RGS7: variants seen among roughly 807,000 people sequenced by gnomAD.
RGS7 encodes the protein regulator of G-protein signaling 7.
Under a neutral mutation model 81.1 loss-of-function variants are expected in RGS7, and 27 were observed. The observed-to-expected ratio is 0.33, with a 90% CI of 0.25 to 0.46. The LOEUF is 0.46. Ranked by LOEUF, RGS7 falls within the 20% of genes least tolerant of loss-of-function variation. RGS7 has a pLI of 1.00. For synonymous variants in RGS7, 208 were observed against 207.7 expected, an observed-to-expected ratio of 1.00 and a Z score of -0.01; for missense variants, 396 against 607.4, an observed-to-expected ratio of 0.65 and a Z score of 3.66.
chr1:241,132,983 C>T (rs749587870), intron 2 of RGS7, among the ~76,000 whole-genome samples: 4 of 152,026 alleles, frequency 2.6e-5, no homozygotes, highest in Non-Finnish European at 5.9e-5. Flanking sequence ...AGGATGGTCT[C>T]GATCTCCTGA....
chr1:240,790,575 C>A (rs1685824086), intron 18 of RGS7, among the ~76,000 whole-genome samples: 1 of 152,176 alleles, frequency 6.6e-6, no homozygotes, highest in Admixed American at 6.5e-5. Context: ...TATTACTCTG[C>A]AGTGGCTTCA....
At chr1:241,160,744 G>A (rs181887612) in intron 2 of RGS7, among the ~76,000 whole-genome samples, 8 of 152,238 alleles carry the variant, frequency 5.3e-5, no homozygotes, top group South Asian at 2.1e-4. Context: ...TGATATCTAC[G>A]TTGCCCTGGG....
intron 4 of RGS7, among the ~76,000 whole-genome samples, chr1:240,977,086 A>G (rs1215369755): frequency 1.6e-5 from 2 of 128,446 alleles, no homozygotes; most frequent in Admixed American, 1.7e-4. Flanking sequence ...CTATCTATCC[A>G]TCTGTACACA....
intron 3 of RGS7, among the ~76,000 whole-genome samples, chr1:240,984,689 A>C (rs948107554): frequency 1.3e-5 from 2 of 152,204 alleles, no homozygotes; most frequent in African/African-American, 4.8e-5. Flanking sequence ...AGTGTGAACC[A>C]AGATTCCATT....
intron 2 of RGS7, among the ~76,000 whole-genome samples, chr1:241,102,771 C>G (rs12024884): frequency 6.6e-6 from 1 of 152,206 alleles, no homozygotes; most frequent in East Asian, 1.9e-4. Context: ...CATAACTTGT[C>G]CTCAAGCTGG....
chr1:240,980,183 TGGATTGCTG>T (rs1558552467), intron 4 of RGS7, among the ~76,000 whole-genome samples: 2 of 152,220 alleles, frequency 1.3e-5, no homozygotes, highest in African/African-American at 4.8e-5. Flanking sequence ...AAATGTGTCC[TGGATTGCTG>T]TAATAGAAAT....
chr1:241,159,859 A>G (rs1487943892), intron 2 of RGS7, among the ~76,000 whole-genome samples: 1 of 151,782 alleles, frequency 6.6e-6, no homozygotes, highest in Non-Finnish European at 1.5e-5. Context: ...CACCACTAGG[A>G]AAGTTAAATC....
chr1:240,974,585 A>G (rs1683776980), intron 4 of RGS7, among the ~76,000 whole-genome samples: 1 of 152,244 alleles, frequency 6.6e-6, no homozygotes, highest in Admixed American at 6.5e-5. Flanking sequence ...ACCAACATAC[A>G]TAAAATAAAA....
intron 3 of RGS7, among the ~76,000 whole-genome samples, chr1:241,034,883 C>A (rs539496701): frequency 2.0e-5 from 3 of 152,038 alleles, no homozygotes; most frequent in African/African-American, 7.2e-5. Flanking sequence ...TGATAGAAAA[C>A]GATTTTGAGA....
chr1:240,785,510 T>C (rs145263290), intron 18 of RGS7, among the ~76,000 whole-genome samples: 1 of 152,322 alleles, frequency 6.6e-6, no homozygotes, highest in African/African-American at 2.4e-5. Context: ...TAAACATTAA[T>C]ATTATAGCAG....
chr1:240,814,739 T>A lies in RGS7; in HGVS notation c.822A>T (p.Leu274Phe). ...YWQIQLDRHR[L>F]KMSKVADSLL... ...ACCTGTCAGCGACTTTTGACATTTTTAACCGATGTCTATCTAACTGTATTT... is the reference window on the plus strand; with the variant it reads ...ACCTGTCAGCGACTTTTGACATTTTAAACCGATGTCTATCTAACTGTATTT... The change falls in exon 12 of 19, where the codon TTA becomes TTT. Residue 274 changes from leucine (L) to phenylalanine (F), a missense_variant. Physicochemically the swap from Leu to Phe is conservative, Grantham distance 22. Transcript: ENST00000440928. The A allele has an allele frequency of 6.2e-7, 1 of 1,603,696 alleles. No homozygotes were observed. The highest frequency in any genetic ancestry group is 8.5e-7 in the Non-Finnish European group (1 of 1,170,826).
intron 3 of RGS7, among the ~76,000 whole-genome samples, chr1:241,073,310 G>A (rs537980525): frequency 5.3e-5 from 8 of 152,192 alleles, no homozygotes; most frequent in African/African-American, 1.9e-4. Context: ...AACTCTACTG[G>A]CCAGTTTTCC....
chr1:240,938,813 A>G (rs1158142318), intron 4 of RGS7, among the ~76,000 whole-genome samples: 1 of 148,166 alleles, frequency 6.7e-6, no homozygotes, highest in Non-Finnish European at 1.5e-5. Context: ...TTTTTCATCA[A>G]TTTTGTGCGT....
chr1:240,945,731 A>G (rs1678489996), intron 4 of RGS7, among the ~76,000 whole-genome samples: 1 of 152,224 alleles, frequency 6.6e-6, no homozygotes, highest in African/African-American at 2.4e-5. Context: ...GCTTGAATTG[A>G]GAAAAGTGTG....
rs2068206978 is a variant in RGS7, at chr1:241,144,970, T to TGTGTGTGTGTGTG, written c.79-46209_79-46208insCACACACACACAC. The stretch of plus-strand genomic sequence containing the variant: ...GTGTGTGTGTGTGTGTGTGTTCGTG[T>TGTGTGTGTGTGTG]TCATTCTTCCTGTTCCTGTTTTCCC... On this transcript the variant is annotated intron_variant, in intron 2 of 18. Coordinates refer to ENST00000440928, the MANE Select transcript of RGS7 (RefSeq NM_001364886.1). This position sits in a 1 kb window ranked among gnomAD's most constrained non-coding sequence, Gnocchi z 4.7. Among the ~76,000 whole-genome samples the TGTGTGTGTGTGTG allele has an allele frequency of 6.6e-6, 1 of 151,244 alleles. No homozygotes were observed. Among genetic ancestry groups the TGTGTGTGTGTGTG allele is most frequent in the African/African-American group, 2.4e-5 (1 of 41,034 alleles).
intron 2 of RGS7, among the ~76,000 whole-genome samples, chr1:241,240,340 A>C (rs1228285162): frequency 6.6e-6 from 1 of 152,212 alleles, no homozygotes; most frequent in Non-Finnish European, 1.5e-5. Context: ...TGACGGGAAG[A>C]AGCAACGACT....
chr1:240,804,725 G>A (rs981237326), intron 15 of RGS7, among the ~76,000 whole-genome samples: 1 of 152,176 alleles, frequency 6.6e-6, no homozygotes, highest in African/African-American at 2.4e-5. Context: ...AGAGAAGTGA[G>A]CAGCAGGGCC....
intron 2 of RGS7, among the ~76,000 whole-genome samples, chr1:241,316,612 C>T (rs1291745467): frequency 6.6e-6 from 1 of 152,242 alleles, no homozygotes; most frequent in African/African-American, 2.4e-5. Flanking sequence ...ACAAATCCCA[C>T]TTGGTCCTGG....
chr1:241,057,684 TG>T (rs1231354047), intron 3 of RGS7, among the ~76,000 whole-genome samples: 1 of 151,932 alleles, frequency 6.6e-6, no homozygotes, highest in African/African-American at 2.4e-5. Flanking sequence ...GAGGCCGAGG[TG>T]GGTGGATCCC....
Sources: gnomAD v4.1 joint callset for allele counts (sites outside exome capture counted in the v4.1 genomes callset) on GRCh38, gnomAD v4.1.1 for gene constraint, Gnocchi (gnomAD v3.1) non-coding constraint, MANE v1.5 for transcripts, NCBI Gene and HGNC (gene_info 2026-07-23, HGNC 2026-07-21) for gene names.